WIPI2: variants seen among roughly 807,000 people sequenced by gnomAD.
The protein encoded by WIPI2 is WD repeat domain phosphoinositide-interacting protein 2.
Under a neutral mutation model 52.3 loss-of-function variants are expected in WIPI2, and 28 were observed. The ratio of observed to expected loss-of-function variants is 0.54; its 90% CI spans 0.40 to 0.73. WIPI2 has a LOEUF of 0.73. WIPI2 is among the 30% of genes least tolerant of loss of function. The probability of loss-of-function intolerance (pLI) is 0.00; values close to 1 mark genes in which losing one functional copy is unlikely to be tolerated. For missense variants in WIPI2, 506 were observed against 602.9 expected (o/e 0.84, Z 1.68); for synonymous variants, 268 against 245.0 (o/e 1.09, Z -0.88).
At chr7:5,209,643 C>A (rs904068001) in intron 3 of WIPI2, among the ~76,000 whole-genome samples, 2 of 152,204 alleles carry the variant, frequency 1.3e-5, no homozygotes, top group Non-Finnish European at 2.9e-5. Flanking sequence ...ACTTTGAAAT[C>A]TCCCACCTCC....
Position 5,214,724 on chromosome 7 carries a change from G to T in WIPI2, c.381+20G>T. The stretch of plus-strand genomic sequence containing the variant: ...AGGCAGGTGAGCGCTGCCCCAGCTG[G>T]GTGTGGGCTTGTCTGTTGCTCCCTC... On this transcript the variant is annotated intron_variant, in intron 4 of 12. Coordinates refer to ENST00000288828, the MANE Select transcript of WIPI2 (RefSeq NM_015610.4). 2 of 1,612,392 alleles carry T rather than the reference G, an allele frequency of 1.2e-6. No individual in the cohort carries two copies. Among genetic ancestry groups the T allele is most frequent in the South Asian group, 2.2e-5 (2 of 91,060 alleles).
intron 9 of WIPI2, 156 bp downstream of exon 9, chr7:5,226,086 A>C: frequency 1.5e-6 from 1 of 682,494 alleles, no homozygotes; most frequent in Admixed American, 2.4e-5. Context: ...CTCCGCATCC[A>C]GGCTCGGCAG....
rs1460304254 is a variant in WIPI2 at position 5,232,255 on chromosome 7, C to G, written c.*1308C>G. 1 of 398,540 alleles carries G rather than the reference C, an allele frequency of 2.5e-6. No individual in the cohort carries two copies. The allele number at this position is 398,540 out of a possible 1,614,324, so 24.7% of individuals were successfully genotyped here. ...GCTGGGGTTTTTGAACCGAGGAAGG[C>G]TGGGACGCCTGTTTCCAGATGGTTG... On this transcript the variant is annotated 3_prime_UTR_variant, in exon 13 of 13. Coordinates refer to ENST00000288828, the MANE Select transcript of WIPI2 (RefSeq NM_015610.4).
At chr7:5,220,768 A>G (rs890974196) in intron 7 of WIPI2, among the ~76,000 whole-genome samples, 2 of 151,760 alleles carry the variant, frequency 1.3e-5, no homozygotes, top group South Asian at 2.1e-4. Context: ...GAGTTACTGC[A>G]TTCAGCTTAG....
At chr7:5,216,980 C>T in intron 5 of WIPI2, 110 bp from the exon 6 acceptor site, 1 of 1,123,198 alleles carries the variant, frequency 8.9e-7, no homozygotes, top group Non-Finnish European at 1.3e-6. Context: ...TGTATCCAAG[C>T]TATTATTTGT....
intron 3 of WIPI2, among the ~76,000 whole-genome samples, chr7:5,204,286 G>A (rs960420813): frequency 1.3e-5 from 2 of 152,112 alleles, no homozygotes; most frequent in Non-Finnish European, 2.9e-5. Flanking sequence ...GGCCAACATG[G>A]TGAAACCGCG....
chr7:5,207,464 A>G (rs768559427), intron 3 of WIPI2, among the ~76,000 whole-genome samples: 1 of 152,018 alleles, frequency 6.6e-6, no homozygotes, highest in Admixed American at 6.6e-5. Flanking sequence ...TTTTAGATTT[A>G]TCCACATCTT....
chr7:5,200,647 C>T (rs2115222271), intron 3 of WIPI2, among the ~76,000 whole-genome samples: 1 of 152,246 alleles, frequency 6.6e-6, no homozygotes, highest in South Asian at 2.1e-4. Flanking sequence ...TCCGTCTCCC[C>T]CAGGTTCCAG....
intron 3 of WIPI2, among the ~76,000 whole-genome samples, chr7:5,211,245 G>A (rs1562394896): frequency 6.6e-6 from 1 of 152,222 alleles, no homozygotes; most frequent in Admixed American, 6.5e-5. Flanking sequence ...GCTGAGGCGG[G>A]TGCATCACCT....
Position 5,233,745 on chromosome 7 carries a change from G to C in WIPI2, c.*2798G>C, listed in dbSNP as rs1025291697. On this transcript the variant is annotated 3_prime_UTR_variant, in exon 13 of 13. Transcript: ENST00000288828. ...CCTCACAGGGCTGTTGTGAGGTGTT[G>C]TGTGACTGCGTGTCCTGCAAACGCC... The C allele has an allele frequency of 6.6e-6, 1 of 152,246 alleles. No individual in the cohort carries two copies. Among genetic ancestry groups the C allele is most frequent in the African/African-American group, 2.4e-5 (1 of 41,468 alleles). 9.4% of individuals were successfully genotyped at this position (152,246 alleles called of 1,614,324 possible). A position where few individuals can be genotyped will look rare whatever the true frequency, so the allele number is the denominator to read the frequency against.
At position 5,209,616 on chromosome 7, in the gene WIPI2, C is replaced by T. The variant is rs189271856; in HGVS notation, c.212-4919C>T. ...ATGGCGACTTGCTCTTTGAGATGATCGTCTCATACTGTTCTCACTTTGAAA... is the reference window on the plus strand; with the variant it reads ...ATGGCGACTTGCTCTTTGAGATGATTGTCTCATACTGTTCTCACTTTGAAA... On this transcript the variant is annotated intron_variant, in intron 3 of 12. Transcript: ENST00000288828. 3.3e-5 allele frequency among the ~76,000 whole-genome samples: 5 copies of T among 152,294 alleles called. 1 individual carries two copies. Among genetic ancestry groups the T allele is most frequent in the African/African-American group, 1.2e-4 (5 of 41,574 alleles).
chr7:5,211,191 G>A (rs1042241555), intron 3 of WIPI2, among the ~76,000 whole-genome samples: 1 of 152,224 alleles, frequency 6.6e-6, no homozygotes. Flanking sequence ...TTTTCCCGAG[G>A]CTGGGAGCGG....
intron 3 of WIPI2, among the ~76,000 whole-genome samples, chr7:5,201,079 G>A (rs1274824287): frequency 6.6e-6 from 1 of 152,236 alleles, no homozygotes; most frequent in African/African-American, 2.4e-5. Context: ...TATCCCAGGC[G>A]CCGCCCGCCT....
chr7:5,197,118 CAAAAAAAAAAA>C (rs869261081), intron 2 of WIPI2, among the ~76,000 whole-genome samples: 1 of 41,452 alleles, frequency 2.4e-5, no homozygotes, highest in East Asian at 1.0e-3. Flanking sequence ...TCTCAAAAAA[CAAAAAAAAAAA>C]AAAAAAAAAA....
At chr7:5,217,860 C>T in intron 6 of WIPI2, 62 bp from the exon 7 acceptor site, 2 of 1,565,408 alleles carry the variant, frequency 1.3e-6, no homozygotes, top group Non-Finnish European at 1.8e-6. Context: ...GACCAAGTGT[C>T]AGCCCTGGGG....
intron 8 of WIPI2, among the ~76,000 whole-genome samples, chr7:5,225,278 C>T (rs553074138): frequency 7.9e-5 from 12 of 152,090 alleles, no homozygotes; most frequent in African/African-American, 2.2e-4. Context: ...GTAGCTGGGA[C>T]TACAGGCACC....
chr7:5,194,310 G>T (rs1380493882), intron 2 of WIPI2, among the ~76,000 whole-genome samples: 2 of 152,186 alleles, frequency 1.3e-5, no homozygotes, highest in Non-Finnish European at 2.9e-5. Flanking sequence ...GTTGCTTTTG[G>T]TTTACAGTGT....
At position 5,199,629 on chromosome 7, in the gene WIPI2, T is replaced by C. The variant is rs771816912; in HGVS notation, c.182T>C (p.Val61Ala). ...TATAAATTTTTCTCCCTTTCTTCTG[T>C]GGATAAGCTGGAACAGATCTATGAA... ...SGYKFFSLSS[V>A]DKLEQIYECT... The change falls in exon 3 of 13, where the codon GTG (valine) becomes GCG (alanine). Residue 61 changes from valine (V) to alanine (A), a missense_variant. By Grantham distance (64) the Val-to-Ala change is moderately conservative (BLOSUM62 0). Around this residue, in one of 4 missense-constraint regions of WIPI2, gnomAD observed 60 missense variants for 49.7 expected, o/e 1.21. Coordinates refer to ENST00000288828, the MANE Select transcript of WIPI2 (RefSeq NM_015610.4). The C allele has an allele frequency of 1.2e-6, 2 of 1,612,830 alleles. No homozygotes were observed. The highest frequency in any genetic ancestry group is 2.2e-5 in the South Asian group (2 of 90,910).
intron 2 of WIPI2, 165 bp downstream of exon 2, chr7:5,193,336 C>G: frequency 7.0e-7 from 1 of 1,431,922 alleles, no homozygotes; most frequent in South Asian, 1.6e-5. Flanking sequence ...GATACCACAG[C>G]TTGTGGGAAG....
Sources: allele counts gnomAD v4.1 joint callset (sites outside exome capture counted in the v4.1 genomes callset), GRCh38; gene constraint gnomAD v4.1.1; regional missense constraint gnomAD v4.1.1; transcripts MANE v1.5; gene names NCBI Gene and HGNC (gene_info 2026-07-23, HGNC 2026-07-21).